Variants in TAB2 observed in about 807,000 individuals in gnomAD.
TAB2 encodes TGF-beta-activated kinase 1 and MAP3K7-binding protein 2.
A neutral mutation model predicts 65.0 loss-of-function variants in TAB2; 3 were observed. The observed-to-expected ratio is 0.05, with a 90% CI of 0.02 to 0.12. TAB2 has a LOEUF of 0.12. Ranked by LOEUF, TAB2 falls within the 10% of genes least tolerant of loss-of-function variation. The probability of loss-of-function intolerance (pLI) is 1.00; values close to 1 mark genes in which losing one functional copy is unlikely to be tolerated. For missense variants in TAB2, 623 were observed against 840.3 expected (o/e 0.74, Z 3.20); for synonymous variants, 298 against 285.1 (o/e 1.05, Z -0.46).
intron 1 of TAB2, among the ~76,000 whole-genome samples, chr6:149,275,546 T>C (rs1323709712): frequency 6.6e-6 from 1 of 152,238 alleles, no homozygotes; most frequent in Non-Finnish European, 1.5e-5. Context: ...TTTATGTAGA[T>C]TCTTCCCCAA....
intron 1 of TAB2, among the ~76,000 whole-genome samples, chr6:149,332,236 C>T (rs1173023146): frequency 2.6e-5 from 4 of 151,904 alleles, no homozygotes; most frequent in Non-Finnish European, 4.4e-5. Flanking sequence ...GCAATTCATT[C>T]GGTATAATGG....
chr6:149,239,548 G>A (rs992539573), intron 1 of TAB2, among the ~76,000 whole-genome samples: 4 of 152,360 alleles, frequency 2.6e-5, no homozygotes, highest in African/African-American at 9.6e-5. Context: ...TTGACATGGT[G>A]TTGGGATATT....
At chr6:149,257,582 C>T (rs921468767) in intron 1 of TAB2, 40 of 152,142 alleles carry the variant, frequency 2.6e-4, no homozygotes, top group African/African-American at 8.2e-4. Context: ...GCCCATGAAC[C>T]CCTGGCCTCA....
chr6:149,224,263 T>C (rs1777219703), intron 1 of TAB2, among the ~76,000 whole-genome samples: 1 of 152,198 alleles, frequency 6.6e-6, no homozygotes, highest in African/African-American at 2.4e-5. Flanking sequence ...AGGAGCTAAT[T>C]GCATTTAAGT....
chr6:149,317,290 A>C (rs1779279361), upstream of TAB2, among the ~76,000 whole-genome samples: 1 of 151,298 alleles, frequency 6.6e-6, no homozygotes, highest in Non-Finnish European at 1.5e-5. The surrounding 1 kb of genome is among the most constrained non-coding windows in gnomAD (Gnocchi z 4.7). Context: ...CCGCACCGGC[A>C]CCCCCCTCGC....
intron 1 of TAB2, among the ~76,000 whole-genome samples, chr6:149,254,377 A>C (rs2114660283): frequency 6.6e-6 from 1 of 152,292 alleles, no homozygotes; most frequent in South Asian, 2.1e-4. Context: ...TTTATGGTTT[A>C]AGCCAGTTTG....
intron 3 of TAB2, among the ~76,000 whole-genome samples, chr6:149,392,477 A>G (rs1450551500): frequency 6.6e-6 from 1 of 152,182 alleles, no homozygotes; most frequent in African/African-American, 2.4e-5. Context: ...TGACTGTTCG[A>G]TATACAGATA....
intron 3 of TAB2, chr6:149,380,201 A>G (rs1165393705): frequency 5.3e-6 from 1 of 188,010 alleles, no homozygotes; most frequent in African/African-American, 2.4e-5. Context: ...TGACCATACC[A>G]CTCTGCCCCA....
intron 1 of TAB2, among the ~76,000 whole-genome samples, chr6:149,341,995 G>A (rs765097891): frequency 4.0e-5 from 6 of 151,166 alleles, no homozygotes; most frequent in South Asian, 2.1e-4. Context: ...TGTAACCTTC[G>A]TAGTTGCAAG....
At chr6:149,350,333 C>T (rs1583112523) in intron 1 of TAB2, among the ~76,000 whole-genome samples, 1 of 152,124 alleles carries the variant, frequency 6.6e-6, no homozygotes, top group Non-Finnish European at 1.5e-5. Flanking sequence ...AACAAGGAGA[C>T]GACTGGGCAA....
intron 3 of TAB2, among the ~76,000 whole-genome samples, chr6:149,382,176 C>T (rs1311155503): frequency 6.6e-6 from 1 of 152,214 alleles, no homozygotes; most frequent in East Asian, 1.9e-4. Flanking sequence ...GGCCTTCTTA[C>T]TCTCTTCCTT....
At chr6:149,308,654 G>A (rs762706816) in intron 1 of TAB2, among the ~76,000 whole-genome samples, 8 of 151,742 alleles carry the variant, frequency 5.3e-5, no homozygotes, top group South Asian at 2.1e-4. Context: ...TCAGCCTCCC[G>A]AGTAGCTGGG....
At chr6:149,299,652 T>C (rs1444005236) in intron 1 of TAB2, among the ~76,000 whole-genome samples, 1 of 152,184 alleles carries the variant, frequency 6.6e-6, no homozygotes, top group African/African-American at 2.4e-5. Context: ...GGCAAACCTA[T>C]TCTATCCTGT....
chr6:149,258,169 G>GGCCTTAC (rs1778079044), intron 1 of TAB2, among the ~76,000 whole-genome samples: 1 of 152,176 alleles, frequency 6.6e-6, no homozygotes, highest in Non-Finnish European at 1.5e-5. Flanking sequence ...ACACAGCGGT[G>GGCCTTAC]TTGTGCACAT....
chr6:149,243,121 T>C (rs1034668213), intron 1 of TAB2, among the ~76,000 whole-genome samples: 1 of 152,196 alleles, frequency 6.6e-6, no homozygotes, highest in African/African-American at 2.4e-5. Flanking sequence ...AGGGGTTCAT[T>C]CCCTTCTCTC....
intron 1 of TAB2, among the ~76,000 whole-genome samples, chr6:149,226,481 G>A (rs1355253656): frequency 6.6e-6 from 1 of 152,160 alleles, no homozygotes; most frequent in Non-Finnish European, 1.5e-5. Flanking sequence ...GCTGTGTGAT[G>A]CTCACACACC....
Position 149,334,234 on chromosome 6 carries a change from C to CT in TAB2, c.-90+16226dup, listed in dbSNP as rs545469105. Among the ~76,000 whole-genome samples, 282 of 152,232 alleles carry CT rather than the reference C, an allele frequency of 1.9e-3. 1 individual carries two copies. Among genetic ancestry groups the CT allele is most frequent in the African/African-American group, 6.7e-3 (279 of 41,538 alleles). On this transcript the variant is annotated intron_variant, in intron 1 of 6. Coordinates refer to ENST00000637181, the MANE Select transcript of TAB2 (RefSeq NM_001292034.3). Reference sequence around the variant, plus strand: ...CATCCTCAGGTCTCCTCTCTCTTACCTTTTTTTCATTATTCCCTGTGTCAG... The same window carrying CT: ...CATCCTCAGGTCTCCTCTCTCTTACCTTTTTTTTCATTATTCCCTGTGTCAG...
At chr6:149,236,137 C>T (rs1463988478) in intron 1 of TAB2, among the ~76,000 whole-genome samples, 11 of 152,146 alleles carry the variant, frequency 7.2e-5, no homozygotes, top group Admixed American at 7.2e-4. Flanking sequence ...GGGGACAGTG[C>T]TCACTATTTG....
At chr6:149,396,905 A>G (rs149939330) in intron 3 of TAB2, among the ~76,000 whole-genome samples, 3 of 152,270 alleles carry the variant, frequency 2.0e-5, no homozygotes, top group Admixed American at 2.0e-4. Context: ...TAACATTTTC[A>G]TATTAGAATG....
Sources: allele counts gnomAD v4.1 joint callset (sites outside exome capture counted in the v4.1 genomes callset), GRCh38; gene constraint gnomAD v4.1.1; non-coding constraint Gnocchi (gnomAD v3.1); transcripts MANE v1.5; gene names NCBI Gene and HGNC (gene_info 2026-07-23, HGNC 2026-07-21).